Variants in CCDC150 observed in about 807,000 individuals in gnomAD.
The protein encoded by CCDC150 is coiled-coil domain containing 150.
CCDC150 carries 151 observed loss-of-function variants against 156.5 expected under a neutral mutation model. The observed-to-expected ratio is 0.97, with a 90% CI of 0.85 to 1.10. The LOEUF is 1.10. Among genes scored for constraint, CCDC150 ranks in the 50% least tolerant of loss-of-function variants. CCDC150 has a pLI of 0.00. For missense variants in CCDC150, 1,312 were observed against 1,268.1 expected (o/e 1.03, Z -0.53); for synonymous variants, 452 against 429.4 (o/e 1.05, Z -0.65).
chr2:196,730,966 T>G, intron 26 of CCDC150, 21 bp downstream of exon 26: 1 of 1,569,508 alleles, frequency 6.4e-7, no homozygotes, highest in Non-Finnish European at 8.6e-7. Flanking sequence ...CCCACGGACA[T>G]AAAGACTTAG....
intron 13 of CCDC150, among the ~76,000 whole-genome samples, chr2:196,685,100 T>A (rs1310454742): frequency 6.6e-6 from 1 of 152,132 alleles, no homozygotes; most frequent in Non-Finnish European, 1.5e-5. Context: ...TTGTTTCGTT[T>A]TTTGCTTTTT....
Position 196,656,824 on chromosome 2 carries a change from C to T in CCDC150, c.368C>T (p.Thr123Ile), listed in dbSNP as rs936810732. ...SLKMNIFRLQTEKDLNPQKTA... is the reference protein window; with the variant it reads ...SLKMNIFRLQIEKDLNPQKTA... ...AAGATGAACATCTTTCGGCTGCAAA[C>T]TGAAAAGGATTTGAATCCTCAGAAA... is the stretch of plus-strand genomic sequence containing the variant. Residue 123 changes from threonine (T) to isoleucine (I), a missense_variant, in exon 3 of 28, where the codon ACT (threonine) becomes ATT (isoleucine). Physicochemically the swap from Thr to Ile is moderately conservative, Grantham distance 89. Transcript: ENST00000389175. The T allele has an allele frequency of 6.2e-7, 1 of 1,613,876 alleles. No homozygotes were observed. The highest frequency in any genetic ancestry group is 8.5e-7 in the Non-Finnish European group (1 of 1,179,810).
At chr2:196,710,810 G>T (rs746998104) in intron 15 of CCDC150, among the ~76,000 whole-genome samples, 22 of 151,976 alleles carry the variant, frequency 1.4e-4, no homozygotes, top group Non-Finnish European at 2.5e-4. Flanking sequence ...TTAACTGTAG[G>T]ATAGAAGGAG....
intron 5 of CCDC150, among the ~76,000 whole-genome samples, chr2:196,663,092 A>C (rs1196018013): frequency 4.6e-5 from 7 of 151,920 alleles, no homozygotes; most frequent in African/African-American, 1.5e-4. Flanking sequence ...TTTTTAAATT[A>C]GCTGGGCATG....
At chr2:196,680,419 A>G (rs796890232) in intron 13 of CCDC150, among the ~76,000 whole-genome samples, 42 of 152,094 alleles carry the variant, frequency 2.8e-4, no homozygotes, top group African/African-American at 1.0e-3. Context: ...CACCCACCTC[A>G]GCCTCCTGAG....
In CCDC150 at chr2:196,729,976, T is replaced by G. The variant is rs771040744; in HGVS notation, c.2840T>G (p.Phe947Cys). ...NYEQSLSIQR[F>C]VCEMTNLQKE... is the part of the protein sequence containing the mutation. ...TTCCAGTCTTTGAGTATCCAGAGATTTGTGTGTGAAATGACTAACCTGCAG... is the reference window on the plus strand; with the variant it reads ...TTCCAGTCTTTGAGTATCCAGAGATGTGTGTGTGAAATGACTAACCTGCAG... The change falls in exon 25 of 28, where the codon TTT becomes TGT. Residue 947 changes from phenylalanine to cysteine, a missense_variant. Physicochemically the swap from Phe to Cys is radical, Grantham distance 205. Transcript: ENST00000389175. 1 of 1,612,990 alleles carries G rather than the reference T, an allele frequency of 6.2e-7. No individual in the cohort carries two copies. The highest frequency in any genetic ancestry group is 8.5e-7 in the Non-Finnish European group (1 of 1,179,592).
At chr2:196,684,641 G>A (rs1373187751) in intron 13 of CCDC150, among the ~76,000 whole-genome samples, 1 of 152,018 alleles carries the variant, frequency 6.6e-6, no homozygotes, top group Non-Finnish European at 1.5e-5. Context: ...TAATGAAAAT[G>A]GGGTATTGAA....
At chr2:196,728,160 C>T (rs753942804) in intron 22 of CCDC150, 5 of 152,056 alleles carry the variant, frequency 3.3e-5, no homozygotes, top group Non-Finnish European at 5.9e-5. Flanking sequence ...TCAAGTTTGT[C>T]TTGAGTATTA....
chr2:196,699,785 G>T (rs1452060195), intron 14 of CCDC150, among the ~76,000 whole-genome samples: 2 of 152,158 alleles, frequency 1.3e-5, no homozygotes, highest in Non-Finnish European at 2.9e-5. Context: ...CACCTAAAGT[G>T]CTGGGATTAC....
intron 13 of CCDC150, among the ~76,000 whole-genome samples, chr2:196,678,710 C>A (rs1694648239): frequency 6.6e-6 from 1 of 152,078 alleles, no homozygotes; most frequent in Non-Finnish European, 1.5e-5. Flanking sequence ...TGAGACCAGC[C>A]TGGCCAACAA....
intron 10 of CCDC150, among the ~76,000 whole-genome samples, chr2:196,675,423 G>A (rs960072600): frequency 6.6e-6 from 1 of 152,084 alleles, no homozygotes; most frequent in Non-Finnish European, 1.5e-5. Context: ...CATTTTACCA[G>A]TGTGAAGACT....
intron 2 of CCDC150, among the ~76,000 whole-genome samples, chr2:196,654,144 A>G (rs1693046526): frequency 6.6e-6 from 1 of 152,120 alleles, no homozygotes; most frequent in Non-Finnish European, 1.5e-5. Context: ...TACCTCCAAC[A>G]ATGGGTGTCA....
chr2:196,719,713 T>C (rs1697766911), intron 19 of CCDC150, 47 bp downstream of exon 19: 1 of 1,375,804 alleles, frequency 7.3e-7, no homozygotes, highest in South Asian at 1.7e-5. Flanking sequence ...TGGATTGTAC[T>C]AAGGAGCAGT....
intron 22 of CCDC150, among the ~76,000 whole-genome samples, chr2:196,728,324 A>T (rs1698329525): frequency 6.6e-6 from 1 of 152,256 alleles, no homozygotes; most frequent in South Asian, 2.1e-4. Flanking sequence ...TAGTAATAAA[A>T]GACTGTAGTG....
chr2:196,698,995 C>T (rs994450131), intron 14 of CCDC150, among the ~76,000 whole-genome samples: 1 of 152,202 alleles, frequency 6.6e-6, no homozygotes, highest in Non-Finnish European at 1.5e-5. Context: ...TAATCCTAAA[C>T]TGTAATGTTA....
chr2:196,672,315 T>G, intron 8 of CCDC150, 30 bp from the exon 9 acceptor site: 1 of 1,232,806 alleles, frequency 8.1e-7, no homozygotes, highest in Non-Finnish European at 1.1e-6. Context: ...CTCTTATATG[T>G]GAAAAAGAGA....
intron 15 of CCDC150, among the ~76,000 whole-genome samples, chr2:196,705,668 G>A (rs1487945214): frequency 6.6e-6 from 1 of 152,056 alleles, no homozygotes; most frequent in African/African-American, 2.4e-5. Flanking sequence ...TTTCTTCTAG[G>A]GTTTTTATGG....
chr2:196,696,005 T>C (rs1173259327), intron 14 of CCDC150, among the ~76,000 whole-genome samples: 2 of 152,202 alleles, frequency 1.3e-5, no homozygotes, highest in Non-Finnish European at 2.9e-5. Context: ...AGCTAAAGTC[T>C]TTCAAACTGT....
chr2:196,639,848 C>A, intron 1 of CCDC150, 70 bp downstream of exon 1: 1 of 1,371,838 alleles, frequency 7.3e-7, no homozygotes, highest in Non-Finnish European at 9.9e-7. Context: ...CAGATAAGGA[C>A]AGTCACCACT....
Sources: allele counts gnomAD v4.1 joint callset (sites outside exome capture counted in the v4.1 genomes callset), GRCh38; gene constraint gnomAD v4.1.1; transcripts MANE v1.5; gene names NCBI Gene and HGNC (gene_info 2026-07-23, HGNC 2026-07-21).